The following LRRTM4 variants were observed in gnomAD, a reference collection of about 807,000 sequenced individuals.
LRRTM4 encodes leucine rich repeat transmembrane neuronal 4.
In LRRTM4, 25 loss-of-function variants were observed where a neutral mutation model predicts 47.6. The ratio of observed to expected loss-of-function variants is 0.53; its 90% CI spans 0.38 to 0.73. LRRTM4 has a LOEUF of 0.73. LRRTM4 is among the 30% of genes least tolerant of loss of function. The pLI, the probability that LRRTM4 is intolerant of heterozygous loss-of-function variation, is 0.00. For missense variants in LRRTM4, 638 were observed against 713.4 expected (o/e 0.89, Z 1.20); for synonymous variants, 311 against 269.5 (o/e 1.15, Z -1.51).
intron 3 of LRRTM4, among the ~76,000 whole-genome samples, chr2:77,129,821 C>A (rs955974286): frequency 6.6e-6 from 1 of 152,158 alleles, no homozygotes; most frequent in Non-Finnish European, 1.5e-5. Flanking sequence ...ATTACTTAAT[C>A]TGACTCTCTA....
In LRRTM4 at chr2:77,178,629, T is replaced by C. The variant is rs1022650269; in HGVS notation, c.1551+339689A>G. Among the ~76,000 whole-genome samples the C allele has an allele frequency of 3.7e-4, 56 of 152,108 alleles. 1 individual carries two copies. The highest frequency in any genetic ancestry group is 1.3e-3 in the African/African-American group (54 of 41,434). On this transcript the variant is annotated intron_variant, in intron 3 of 3. Coordinates refer to ENST00000409884, the MANE Select transcript of LRRTM4 (RefSeq NM_001134745.3). ...CAACAACAACAACAAATAATACTTT[T>C]TTCTTTACTGTTTCCCTATTTCATA...
Position 76,797,309 on chromosome 2 carries a change from T to C in LRRTM4, c.1552-48393A>G, listed in dbSNP as rs372431335. Among the ~76,000 whole-genome samples the C allele has an allele frequency of 1.2e-4, 19 of 152,096 alleles. 1 individual carries two copies. Among genetic ancestry groups the C allele is most frequent in the Admixed American group, 3.9e-4 (6 of 15,278 alleles). ...AGCCAGAAGAGAGTGGGGGCCAATA[T>C]TCAACATTCTTAAAGAAAAGAATTT... is the stretch of plus-strand genomic sequence containing the variant. On this transcript the variant is annotated intron_variant, in intron 3 of 3. Coordinates refer to ENST00000409884, the MANE Select transcript of LRRTM4 (RefSeq NM_001134745.3).
intron 3 of LRRTM4, among the ~76,000 whole-genome samples, chr2:77,120,154 G>GT (rs982952314): frequency 9.9e-5 from 15 of 151,414 alleles, no homozygotes; most frequent in African/African-American, 2.9e-4. Context: ...TTGGAAAATG[G>GT]TTTTTTTTGG....
chr2:77,018,259 C>CTTTTTTTTTTTTTTTTTT (rs59294966), intron 3 of LRRTM4, among the ~76,000 whole-genome samples: 184 of 75,034 alleles, frequency 2.5e-3, no homozygotes, highest in Admixed American at 3.4e-3. Flanking sequence ...CTCTTGATTG[C>CTTTTTTTTTTTTTTTTTT]TTTTTTTTTT....
At chr2:77,306,399 C>A (rs563310979) in intron 3 of LRRTM4, among the ~76,000 whole-genome samples, 1 of 152,276 alleles carries the variant, frequency 6.6e-6, no homozygotes, top group South Asian at 2.1e-4. Context: ...CTTAGCATGG[C>A]TTTTGGATAT....
At chr2:77,289,357 G>A (rs10170684) in intron 3 of LRRTM4, among the ~76,000 whole-genome samples, 54,778 of 151,782 alleles carry the variant, frequency 0.36, 14,221 homozygotes, top group African/African-American at 0.72. Context: ...GAGTACAGAA[G>A]CAGTTTTTTA....
At chr2:77,091,752 A>G (rs867958325) in intron 3 of LRRTM4, among the ~76,000 whole-genome samples, 1 of 149,924 alleles carries the variant, frequency 6.7e-6, no homozygotes, top group African/African-American at 2.4e-5. Context: ...AGCTTCACAG[A>G]CAGCCCCCAT....
At chr2:77,148,206 T>G (rs541110165) in intron 3 of LRRTM4, among the ~76,000 whole-genome samples, 75 of 152,274 alleles carry the variant, frequency 4.9e-4, no homozygotes, top group Non-Finnish European at 9.6e-4. Flanking sequence ...GGTAATTAGC[T>G]TTTCCTTGGA....
chr2:77,358,954 C>A (rs1672074514), intron 3 of LRRTM4, among the ~76,000 whole-genome samples: 1 of 152,100 alleles, frequency 6.6e-6, no homozygotes, highest in Admixed American at 6.5e-5. Flanking sequence ...GGTAATTCAA[C>A]TAATACAACT....
At chr2:76,837,930 C>T (rs1392453306) in intron 3 of LRRTM4, among the ~76,000 whole-genome samples, 5 of 142,552 alleles carry the variant, frequency 3.5e-5, no homozygotes, top group African/African-American at 7.9e-5. Context: ...ACTCTGGGGA[C>T]TGTTGTGGGG....
chr2:76,862,877 A>AT (rs915349481), intron 3 of LRRTM4, among the ~76,000 whole-genome samples: 3 of 152,186 alleles, frequency 2.0e-5, no homozygotes, highest in African/African-American at 7.2e-5. Context: ...ATGTATTCTT[A>AT]TTTTTGCAGA....
At chr2:76,861,421 C>T (rs193206488) in intron 3 of LRRTM4, among the ~76,000 whole-genome samples, 28 of 152,106 alleles carry the variant, frequency 1.8e-4, no homozygotes, top group East Asian at 5.8e-4. Flanking sequence ...ACCTCCAAGA[C>T]GAATGGAATT....
chr2:77,514,529 G>A (rs1365512532), intron 3 of LRRTM4, among the ~76,000 whole-genome samples: 1 of 151,916 alleles, frequency 6.6e-6, no homozygotes, highest in Non-Finnish European at 1.5e-5. Flanking sequence ...TTTGAAGAAA[G>A]TAATGAAAAT....
chr2:77,435,876 C>T (rs906718181), intron 3 of LRRTM4, among the ~76,000 whole-genome samples: 11 of 152,032 alleles, frequency 7.2e-5, no homozygotes, highest in African/African-American at 2.7e-4. Flanking sequence ...TGAAGTACTC[C>T]TGCAGATTCA....
At chr2:77,191,042 A>G in intron 3 of LRRTM4, among the ~76,000 whole-genome samples, 1 of 152,266 alleles carries the variant, frequency 6.6e-6, no homozygotes, top group South Asian at 2.1e-4. Context: ...CGTTTGACTT[A>G]ATATAATTAT....
intron 3 of LRRTM4, among the ~76,000 whole-genome samples, chr2:77,126,480 G>A (rs1430873460): frequency 2.0e-5 from 3 of 152,090 alleles, no homozygotes; most frequent in Admixed American, 2.0e-4. Flanking sequence ...TTCACCCTGT[G>A]CAATGAGAGG....
chr2:77,349,845 A>C (rs932346516), intron 3 of LRRTM4, among the ~76,000 whole-genome samples: 1 of 152,178 alleles, frequency 6.6e-6, no homozygotes, highest in African/African-American at 2.4e-5. Flanking sequence ...AAATTACTTA[A>C]CTAGTGTTTT....
intron 3 of LRRTM4, among the ~76,000 whole-genome samples, chr2:76,818,048 C>G (rs116578283): frequency 0.016 from 2,384 of 151,712 alleles, 55 homozygotes; most frequent in African/African-American, 0.05. Context: ...ATACAGATGG[C>G]AATAGAAGCA....
chr2:76,832,779 A>G (rs1671391100), intron 3 of LRRTM4, among the ~76,000 whole-genome samples: 1 of 152,068 alleles, frequency 6.6e-6, no homozygotes, highest in Non-Finnish European at 1.5e-5. Context: ...TAAAACAAAG[A>G]GAACTATAAG....
Sources: gnomAD v4.1 joint callset for allele counts (sites outside exome capture counted in the v4.1 genomes callset) on GRCh38, gnomAD v4.1.1 for gene constraint, MANE v1.5 for transcripts, NCBI Gene and HGNC (gene_info 2026-07-23, HGNC 2026-07-21) for gene names.